The following TMOD3 variants were observed in gnomAD, a reference collection of about 807,000 sequenced individuals.
The protein encoded by TMOD3 is tropomodulin 3, also known as tropomodulin-3.
Under a neutral mutation model 39.2 loss-of-function variants are expected in TMOD3, and 20 were observed. That is an observed-to-expected ratio of 0.51 (90% confidence interval 0.36 to 0.74). The LOEUF (loss-of-function observed/expected upper bound fraction) is 0.74. TMOD3 is among the 30% of genes least tolerant of loss of function. TMOD3 has a pLI of 0.00. For missense variants in TMOD3, 381 were observed against 412.8 expected, an observed-to-expected ratio of 0.92 and a Z score of 0.67; for synonymous variants, 143 against 145.8, an observed-to-expected ratio of 0.98 and a Z score of 0.14.
At chr15:51,867,439 A>G (rs769390971) in intron 2 of TMOD3, among the ~76,000 whole-genome samples, 5 of 152,162 alleles carry the variant, frequency 3.3e-5, no homozygotes, top group Non-Finnish European at 7.4e-5. Flanking sequence ...CATACTTGGT[A>G]CAAAGTTAGG....
At chr15:51,897,040 G>C (rs1195446203) in intron 7 of TMOD3, among the ~76,000 whole-genome samples, 1 of 152,170 alleles carries the variant, frequency 6.6e-6, no homozygotes, top group Admixed American at 6.5e-5. Context: ...CTTGATCATG[G>C]TATAAACCTT....
Position 51,889,037 on chromosome 15 carries a change from T to C in TMOD3, c.407-19T>C. On this transcript the variant is annotated intron_variant, in intron 4 of 9. Transcript: ENST00000308580. Reference sequence around the variant, plus strand: ...TTCATGTTTAAAACAATAAAAACTTTCTTTTTCTGTATTTATAGCAATTCT... The same window carrying C: ...TTCATGTTTAAAACAATAAAAACTTCCTTTTTCTGTATTTATAGCAATTCT... The C allele has an allele frequency of 2.0e-6, 3 of 1,511,552 alleles. No homozygotes were observed. Among genetic ancestry groups the C allele is most frequent in the Admixed American group, 2.2e-5 (1 of 46,364 alleles). 93.6% of individuals were successfully genotyped at this position (1,511,552 alleles called of 1,614,324 possible).
intron 2 of TMOD3, among the ~76,000 whole-genome samples, chr15:51,866,662 A>C (rs939956553): frequency 3.9e-5 from 6 of 152,208 alleles, no homozygotes; most frequent in Non-Finnish European, 7.4e-5. Flanking sequence ...ACATCTATGC[A>C]TTAATGATGG....
chr15:51,846,786 T>G (rs2056338050), intron 1 of TMOD3, among the ~76,000 whole-genome samples: 1 of 152,206 alleles, frequency 6.6e-6, no homozygotes, highest in African/African-American at 2.4e-5. Flanking sequence ...GACTTGTTCG[T>G]ATGATGTCAT....
intron 1 of TMOD3, among the ~76,000 whole-genome samples, chr15:51,834,250 CAAT>C (rs1350984656): frequency 6.6e-6 from 1 of 152,006 alleles, no homozygotes; most frequent in African/African-American, 2.4e-5. Context: ...TCTACTTTCT[CAAT>C]GATATTGTGA....
At chr15:51,835,207 A>G (rs1299902040) in intron 1 of TMOD3, 1 of 152,228 alleles carries the variant, frequency 6.6e-6, no homozygotes, top group Admixed American at 6.5e-5. Flanking sequence ...GGACTCCAAC[A>G]TAGCAAGCTA....
intron 3 of TMOD3, among the ~76,000 whole-genome samples, chr15:51,883,252 A>G (rs2056543522): frequency 6.6e-6 from 1 of 152,128 alleles, no homozygotes; most frequent in African/African-American, 2.4e-5. Context: ...GTTTTGCCTT[A>G]TTGATTTTTC....
At chr15:51,854,162 A>C (rs1263419639) in intron 1 of TMOD3, among the ~76,000 whole-genome samples, 1 of 152,188 alleles carries the variant, frequency 6.6e-6, no homozygotes, top group Non-Finnish European at 1.5e-5. Flanking sequence ...GGATGGGCAA[A>C]CTTTTTCTGT....
chr15:51,842,485 G>T (rs1170452270), intron 1 of TMOD3, among the ~76,000 whole-genome samples: 2 of 152,146 alleles, frequency 1.3e-5, no homozygotes, highest in Non-Finnish European at 2.9e-5. Context: ...ATTGCTTATG[G>T]TGGGTTGTGT....
intron 9 of TMOD3, among the ~76,000 whole-genome samples, chr15:51,902,642 GTATTTTT>G (rs2056657457): frequency 6.3e-5 from 4 of 63,354 alleles, no homozygotes; most frequent in Non-Finnish European, 8.8e-5. Context: ...GCTAATTTTT[GTATTTTT>G]TTTTTTTTTT....
At chr15:51,859,538 G>A in intron 1 of TMOD3, 1 of 626,394 alleles carries the variant, frequency 1.6e-6, no homozygotes, top group South Asian at 1.4e-5. Flanking sequence ...CCCAATCCAG[G>A]TACTTATCCT....
At chr15:51,886,146 G>A (rs2056561488) in intron 3 of TMOD3, among the ~76,000 whole-genome samples, 2 of 151,884 alleles carry the variant, frequency 1.3e-5, no homozygotes, top group Non-Finnish European at 2.9e-5. Flanking sequence ...TCCCAGACGG[G>A]ATGGCGGCCA....
chr15:51,838,436 G>A (rs911047308), intron 1 of TMOD3, among the ~76,000 whole-genome samples: 1 of 152,066 alleles, frequency 6.6e-6, no homozygotes, highest in Admixed American at 6.6e-5. Context: ...CTTGCTAGAT[G>A]GTATGGTGGC....
intron 3 of TMOD3, among the ~76,000 whole-genome samples, chr15:51,883,910 T>C (rs565454747): frequency 6.6e-6 from 1 of 152,346 alleles, no homozygotes; most frequent in Admixed American, 6.5e-5. Flanking sequence ...ACCACTTTAA[T>C]TGTAATCTCA....
intron 1 of TMOD3, among the ~76,000 whole-genome samples, chr15:51,853,904 C>CATT (rs1384983306): frequency 2.6e-5 from 4 of 151,662 alleles, no homozygotes; most frequent in African/African-American, 9.7e-5. Context: ...ACATTTTCAG[C>CATT]TAGGTCTTGA....
At position 51,869,256 on chromosome 15, in the gene TMOD3, A is replaced by G. The variant is rs1326406641; in HGVS notation, c.166A>G (p.Thr56Ala). 1.2e-6 allele frequency: 2 copies of G among 1,614,110 alleles called. No individual in the cohort carries two copies. The highest frequency in any genetic ancestry group is 1.7e-6 in the Non-Finnish European group (2 of 1,180,002). ...LPAGFRQKNQ[T>A]SKSTTGPFDR... is the part of the protein sequence containing the mutation. The stretch of plus-strand genomic sequence containing the variant: ...TGCAGGGTTCCGGCAGAAGAACCAG[A>G]CATCAAAGTCCACCACAGGGCCATT... The change falls in exon 3 of 10, where the codon ACA (threonine) becomes GCA (alanine). Residue 56 changes from threonine to alanine, a missense_variant. Thr to Ala is a moderately conservative substitution (Grantham distance 58, BLOSUM62 0). Transcript: ENST00000308580.
rs539057360 is a variant in TMOD3 at position 51,885,503 on chromosome 15, T to C, written c.284-2086T>C. On this transcript the variant is annotated intron_variant, in intron 3 of 9. Coordinates refer to ENST00000308580, the MANE Select transcript of TMOD3 (RefSeq NM_014547.5). ...GAGTGGTGATGACTCTCAACGAGCA[T>C]GCTGCCTTTAAGCATCTGTTTAACA... is the stretch of plus-strand genomic sequence containing the variant. Among the ~76,000 whole-genome samples, 1,143 of 152,304 alleles carry C rather than the reference T, an allele frequency of 7.5e-3. 17 individuals carry two copies. The highest frequency in any genetic ancestry group is 0.026 in the African/African-American group (1,101 of 41,564).
At chr15:51,863,065 C>T in intron 2 of TMOD3, 55 bp downstream of exon 2, 6 of 1,556,516 alleles carry the variant, frequency 3.9e-6, no homozygotes, top group Non-Finnish European at 5.2e-6. Flanking sequence ...CTTTGAAACT[C>T]AGTAGCTGCC....
intron 3 of TMOD3, among the ~76,000 whole-genome samples, chr15:51,885,087 G>A (rs1407006465): frequency 6.6e-6 from 1 of 152,150 alleles, no homozygotes; most frequent in Non-Finnish European, 1.5e-5. Flanking sequence ...AACTTTAATT[G>A]GGTATTCTGT....
Sources: allele counts gnomAD v4.1 joint callset (sites outside exome capture counted in the v4.1 genomes callset), GRCh38; gene constraint gnomAD v4.1.1; transcripts MANE v1.5; gene names NCBI Gene and HGNC (gene_info 2026-07-23, HGNC 2026-07-21).